TRHDE: variants seen among roughly 807,000 people sequenced by gnomAD.
TRHDE encodes the protein thyrotropin-releasing hormone-degrading ectoenzyme.
In TRHDE, 72 loss-of-function variants were observed where a neutral mutation model predicts 125.7. That is an observed-to-expected ratio of 0.57 (90% confidence interval 0.47 to 0.70). The LOEUF (loss-of-function observed/expected upper bound fraction) is 0.70. TRHDE is among the 30% of genes least tolerant of loss of function. TRHDE has a pLI of 0.00. For synonymous variants in TRHDE, 509 were observed against 509.1 expected (o/e 1.00, Z 0.00); for missense variants, 1,110 against 1,327.1 (o/e 0.84, Z 2.54).
chr12:72,627,759 A>G (rs894607155), intron 15 of TRHDE, among the ~76,000 whole-genome samples: 1 of 151,234 alleles, frequency 6.6e-6, no homozygotes, highest in African/African-American at 2.4e-5. Context: ...AAGTTACTTC[A>G]CCCTCAAACT....
intron 2 of TRHDE, among the ~76,000 whole-genome samples, chr12:72,195,744 A>C (rs971313788): frequency 6.6e-6 from 1 of 151,956 alleles, no homozygotes; most frequent in African/African-American, 2.4e-5. Context: ...CCCACTTGTC[A>C]ATTTTTGTTT....
intron 2 of TRHDE, among the ~76,000 whole-genome samples, chr12:72,248,898 G>C (rs1565672453): frequency 6.6e-6 from 1 of 152,124 alleles, no homozygotes; most frequent in Non-Finnish European, 1.5e-5. Context: ...AGATCTTAAT[G>C]TTCTTATTTA....
At chr12:72,340,368 G>A (rs1870027687) in intron 2 of TRHDE, among the ~76,000 whole-genome samples, 1 of 152,104 alleles carries the variant, frequency 6.6e-6, no homozygotes, top group Non-Finnish European at 1.5e-5. Context: ...AGCATCTATT[G>A]CTTTATTTCT....
intron 2 of TRHDE, among the ~76,000 whole-genome samples, chr12:72,215,266 A>C (rs1160469947): frequency 1.3e-5 from 2 of 151,966 alleles, no homozygotes; most frequent in African/African-American, 4.8e-5. Context: ...AAGGACTTTC[A>C]CAAGGTAATG....
At chr12:72,648,705 G>C (rs899200762) in intron 15 of TRHDE, among the ~76,000 whole-genome samples, 1 of 151,936 alleles carries the variant, frequency 6.6e-6, no homozygotes, top group African/African-American at 2.4e-5. Flanking sequence ...TCAACACTTT[G>C]GGAGGCCAAG....
intron 2 of TRHDE, among the ~76,000 whole-genome samples, chr12:72,295,379 G>T (rs1432722851): frequency 6.6e-6 from 1 of 152,150 alleles, no homozygotes; most frequent in Non-Finnish European, 1.5e-5. Context: ...GCTCCAGATG[G>T]CCCACTGCTG....
intron 3 of TRHDE, among the ~76,000 whole-genome samples, chr12:72,400,328 G>A (rs886556696): frequency 6.6e-6 from 1 of 152,112 alleles, no homozygotes; most frequent in Non-Finnish European, 1.5e-5. Context: ...GAGAAACTAG[G>A]TGTTGGTATT....
chr12:72,440,640 A>G (rs1215574636), intron 3 of TRHDE, among the ~76,000 whole-genome samples: 3 of 151,998 alleles, frequency 2.0e-5, no homozygotes, highest in Non-Finnish European at 2.9e-5. Flanking sequence ...TGACAAAAAC[A>G]GTAACTGAGG....
intron 3 of TRHDE, among the ~76,000 whole-genome samples, chr12:72,409,386 G>T (rs1873400537): frequency 6.6e-6 from 1 of 152,152 alleles, no homozygotes; most frequent in African/African-American, 2.4e-5. Context: ...ACATGGTGGA[G>T]CAGATCCTAT....
At chr12:72,417,981 C>T (rs1406776265) in intron 3 of TRHDE, among the ~76,000 whole-genome samples, 2 of 151,946 alleles carry the variant, frequency 1.3e-5, no homozygotes, top group Non-Finnish European at 2.9e-5. Context: ...ATGTTTTGTG[C>T]TTTCAGATGT....
At chr12:72,226,546 T>C (rs1408965517) in intron 2 of TRHDE, among the ~76,000 whole-genome samples, 3 of 152,200 alleles carry the variant, frequency 2.0e-5, no homozygotes, top group Non-Finnish European at 2.9e-5. Flanking sequence ...TACTTCTGTT[T>C]AGTAGAAATT....
intron 3 of TRHDE, among the ~76,000 whole-genome samples, chr12:72,445,827 A>G (rs771569783): frequency 6.6e-6 from 1 of 151,950 alleles, no homozygotes; most frequent in Non-Finnish European, 1.5e-5. Flanking sequence ...TCACATAAAA[A>G]TCCAGATTAC....
intron 3 of TRHDE, among the ~76,000 whole-genome samples, chr12:72,391,008 A>G (rs1476849812): frequency 1.3e-5 from 2 of 152,144 alleles, no homozygotes; most frequent in Non-Finnish European, 2.9e-5. Flanking sequence ...AGAGATTATT[A>G]CAAGAAAAAA....
chr12:72,458,407 C>A (rs1875967618), intron 3 of TRHDE, among the ~76,000 whole-genome samples: 1 of 152,094 alleles, frequency 6.6e-6, no homozygotes. Context: ...AGCATCTTGT[C>A]AGTATGCTTT....
chr12:72,194,579 TCCATGAGTAC>T (rs1877402413), intron 2 of TRHDE, among the ~76,000 whole-genome samples: 1 of 152,134 alleles, frequency 6.6e-6, no homozygotes, highest in Non-Finnish European at 1.5e-5. Flanking sequence ...CATCTTTATG[TCCATGAGTAC>T]CCATTGTTTA....
chr12:72,479,892 T>C, intron 5 of TRHDE, among the ~76,000 whole-genome samples: 1 of 147,586 alleles, frequency 6.8e-6, no homozygotes, highest in Admixed American at 7.1e-5. Flanking sequence ...AATTCCCACC[T>C]ATAAGTGAGA....
At chr12:72,495,765 TA>T (rs1341120321) in intron 5 of TRHDE, among the ~76,000 whole-genome samples, 3 of 152,168 alleles carry the variant, frequency 2.0e-5, no homozygotes, top group African/African-American at 4.8e-5. Flanking sequence ...ATGGCAGTGT[TA>T]TTTTATATGG....
intron 15 of TRHDE, among the ~76,000 whole-genome samples, chr12:72,646,586 A>G (rs901492454): frequency 1.3e-5 from 2 of 152,100 alleles, no homozygotes; most frequent in Non-Finnish European, 2.9e-5. Context: ...TGTTGGTAAG[A>G]GTCTCACTTT....
intron 2 of TRHDE, among the ~76,000 whole-genome samples, chr12:72,368,803 T>G (rs929171225): frequency 1.3e-5 from 2 of 152,206 alleles, no homozygotes; most frequent in Non-Finnish European, 2.9e-5. Flanking sequence ...TTCAAATCTA[T>G]CTGAAGTTCT....
Sources: gnomAD v4.1 joint callset for allele counts (sites outside exome capture counted in the v4.1 genomes callset) on GRCh38, gnomAD v4.1.1 for gene constraint, MANE v1.5 for transcripts, NCBI Gene and HGNC (gene_info 2026-07-23, HGNC 2026-07-21) for gene names.